The following BEST3 variants were observed in gnomAD, a reference collection of about 807,000 sequenced individuals.
BEST3 encodes the protein bestrophin-3.
In BEST3, 50 loss-of-function variants were observed where a neutral mutation model predicts 47.1. The observed-to-expected ratio is 1.06, with a 90% CI of 0.85 to 1.34. The LOEUF is 1.34. Among genes scored for constraint, BEST3 ranks in the 40% most tolerant of loss-of-function variants. The pLI is 0.00. For missense variants in BEST3, 765 were observed against 817.0 expected (o/e 0.94, Z 0.78); for synonymous variants, 282 against 298.8 (o/e 0.94, Z 0.58).
rs767170511 is a variant in BEST3 at position 69,684,539 on chromosome 12, T to C, written c.482-5646A>G. ...CAAGCAGAGTATTCAAACGAGGCTC[T>C]ATTAGCAGAGGAACTAAAAGCTCTG... On this transcript the variant is annotated intron_variant, in intron 4 of 9. Transcript: ENST00000330891. 4.5e-6 allele frequency: 3 copies of C among 668,208 alleles called. No individual in the cohort carries two copies. In the South Asian group the frequency reaches 4.8e-5, roughly 11 times the overall value. The allele number at this position is 668,208 out of a possible 1,614,324, so 41.4% of individuals were successfully genotyped here.
intron 8 of BEST3, among the ~76,000 whole-genome samples, chr12:69,672,448 G>T (rs1330105160): frequency 1.3e-5 from 2 of 152,228 alleles, no homozygotes; most frequent in Non-Finnish European, 1.5e-5. Flanking sequence ...CATGGCCCAG[G>T]CTCCCAGTGT....
intron 2 of BEST3, among the ~76,000 whole-genome samples, chr12:69,696,298 A>G (rs574083944): frequency 6.6e-6 from 1 of 152,284 alleles, no homozygotes; most frequent in African/African-American, 2.4e-5. Context: ...GGGTATAAGT[A>G]TGATATTGGA....
At chr12:69,647,093 T>C (rs6581899) in intron 9 of BEST3, among the ~76,000 whole-genome samples, 70,086 of 152,038 alleles carry the variant, frequency 0.46, 18,403 homozygotes, top group Middle Eastern at 0.6. Context: ...AGACTGTAGG[T>C]CCAGAGCAGA....
chr12:69,670,406 A>G (rs1218824354), intron 9 of BEST3: 3 of 701,314 alleles, frequency 4.3e-6, no homozygotes, highest in African/African-American at 3.5e-5. Context: ...TGGCTCCTAA[A>G]TCGTTCTCAT....
intron 4 of BEST3, among the ~76,000 whole-genome samples, chr12:69,685,035 T>TATTCTATTCC (rs1555208121): frequency 1.3e-5 from 2 of 151,504 alleles, no homozygotes; most frequent in African/African-American, 4.9e-5. Context: ...TATTCTATTC[T>TATTCTATTCC]ATTGTTCTCC....
In BEST3 at chr12:69,684,540, A is replaced by C. The variant is rs533522361; in HGVS notation, c.482-5647T>G. On this transcript the variant is annotated intron_variant, in intron 4 of 9. Transcript: ENST00000330891. ...AAGCAGAGTATTCAAACGAGGCTCT[A>C]TTAGCAGAGGAACTAAAAGCTCTGC... 24 of 669,158 alleles carry C rather than the reference A, an allele frequency of 3.6e-5. No individual in the cohort carries two copies. The South Asian group carries it at 3.7e-4, about 10-fold the overall frequency. The allele number at this position is 669,158 out of a possible 1,614,324, so 41.5% of individuals were successfully genotyped here.
Position 69,671,411 on chromosome 12 carries a change from T to C in BEST3, c.1100+17A>G, listed in dbSNP as rs1884564334. On this transcript the variant is annotated intron_variant, in intron 9 of 9. Coordinates refer to ENST00000330891, the MANE Select transcript of BEST3 (RefSeq NM_032735.3). ...TCAGGCTGGAAAATATTAGAGATTT[T>C]TTAAAAATGCACTTACCCCATCTGG... The C allele has an allele frequency of 6.3e-7, 1 of 1,595,686 alleles. No individual in the cohort carries two copies. Among genetic ancestry groups the C allele is most frequent in the Non-Finnish European group, 8.5e-7 (1 of 1,170,540 alleles).
In BEST3 at chr12:69,653,904, A is replaced by G. The variant is rs1162873791; in HGVS notation, c.*1003T>C. The G allele has an allele frequency of 9.1e-6, 9 of 985,366 alleles. No individual in the cohort carries two copies. The African/African-American group carries it at 1.6e-4, about 17-fold the overall frequency. 61.0% of individuals were successfully genotyped at this position (985,366 alleles called of 1,614,324 possible). On this transcript the variant is annotated 3_prime_UTR_variant, in exon 10 of 10. Coordinates refer to ENST00000330891, the MANE Select transcript of BEST3 (RefSeq NM_032735.3). ...TTTTGCATAAGAGTTCAAGTTAAACAGATGTGAGTCATCTTATTCTTTGGT... is the reference window on the plus strand; with the variant it reads ...TTTTGCATAAGAGTTCAAGTTAAACGGATGTGAGTCATCTTATTCTTTGGT...
chr12:69,676,094 G>T (rs1344151255), intron 7 of BEST3, among the ~76,000 whole-genome samples: 3 of 152,146 alleles, frequency 2.0e-5, no homozygotes, highest in African/African-American at 7.2e-5. Context: ...AGGAGGTGGT[G>T]GTGAAGGGAG....
intron 7 of BEST3, among the ~76,000 whole-genome samples, chr12:69,673,947 T>C (rs1254669475): frequency 2.0e-5 from 3 of 152,216 alleles, no homozygotes; most frequent in Admixed American, 1.3e-4. Flanking sequence ...ATTCTTATCA[T>C]GTTCCTGAAT....
intron 4 of BEST3, chr12:69,689,363 G>A (rs1885819648): frequency 5.4e-6 from 3 of 560,504 alleles, no homozygotes; most frequent in South Asian, 7.8e-5. Context: ...ACAGGCCTCC[G>A]AAGCGTCTCT....
At chr12:69,686,449 C>T (rs753021765) in intron 4 of BEST3, among the ~76,000 whole-genome samples, 2 of 151,756 alleles carry the variant, frequency 1.3e-5, no homozygotes, top group Non-Finnish European at 2.9e-5. Flanking sequence ...AAAAAACAGC[C>T]TCAAGAAAAC....
intron 4 of BEST3, among the ~76,000 whole-genome samples, chr12:69,686,847 G>A (rs546671040): frequency 2.0e-5 from 3 of 151,708 alleles, no homozygotes; most frequent in African/African-American, 7.2e-5. Context: ...CTGGGAATGG[G>A]CTGACTAGCC....
chr12:69,655,376 G>A lies in BEST3; in HGVS notation c.1538C>T (p.Pro513Leu). The stretch of plus-strand genomic sequence containing the variant: ...ATCATGGTGGTAGCCCCCTGATGTG[G>A]GCACTGGTGCTTCGGCTGCTGTGAT... The part of the protein sequence containing the change: ...VLITAAEAPV[P>L]TSGGYHHDSA... The change falls in exon 10 of 10, where the codon CCC (proline) becomes CTC (leucine). Residue 513 changes from proline to leucine, a missense_variant. Pro to Leu is a moderately conservative substitution (Grantham distance 98, BLOSUM62 -3). Coordinates refer to ENST00000330891, the MANE Select transcript of BEST3 (RefSeq NM_032735.3). 1 of 1,614,132 alleles carries A rather than the reference G, an allele frequency of 6.2e-7. No homozygotes were observed. Among genetic ancestry groups the A allele is most frequent in the South Asian group, 1.1e-5 (1 of 91,080 alleles).
intron 9 of BEST3, chr12:69,643,789 TGGGGAGAA>T (rs1172827904): frequency 2.8e-6 from 2 of 714,418 alleles, no homozygotes; most frequent in Admixed American, 4.0e-5. Flanking sequence ...ATCTGTTTCC[TGGGGAGAA>T]GGGGAGAAGG....
rs764106977 is a variant in BEST3, at chr12:69,655,511, T to A, written c.1403A>T (p.Glu468Val). 1 of 1,614,038 alleles carries A rather than the reference T, an allele frequency of 6.2e-7. No homozygotes were observed. Among genetic ancestry groups the A allele is most frequent in the Non-Finnish European group, 8.5e-7 (1 of 1,179,988 alleles). Residue 468 changes from glutamate to valine, a missense_variant, in exon 10 of 10, where the codon GAG becomes GTG. Coordinates refer to ENST00000330891, the MANE Select transcript of BEST3 (RefSeq NM_032735.3). The part of the protein sequence containing the change: ...GSPTLHFSMG[E>V]LSTIRETSQT... ...GCTGGTCTCCCTGATGGTGGACAGC[T>A]CTCCCATGCTGAAGTGCAGCGTGGG...
chr12:69,692,235 A>C (rs1273626011), intron 4 of BEST3, among the ~76,000 whole-genome samples: 1 of 152,206 alleles, frequency 6.6e-6, no homozygotes, highest in Non-Finnish European at 1.5e-5. Flanking sequence ...AAAATCCGAA[A>C]ATATCTATTT....
exon 10 of BEST3, chr12:69,643,703 A>G (rs1355150084): frequency 8.5e-6 from 6 of 705,126 alleles, no homozygotes; most frequent in South Asian, 7.7e-5. Flanking sequence ...AACCACCAGG[A>G]TCACTCTTAG....
At chr12:69,665,259 G>A (rs1253614341) in intron 9 of BEST3, among the ~76,000 whole-genome samples, 1 of 151,946 alleles carries the variant, frequency 6.6e-6, no homozygotes, top group African/African-American at 2.4e-5. Flanking sequence ...GCTCTACAGC[G>A]AACACCAGAG....
Sources: allele counts gnomAD v4.1 joint callset (sites outside exome capture counted in the v4.1 genomes callset), GRCh38; gene constraint gnomAD v4.1.1; transcripts MANE v1.5; gene names NCBI Gene and HGNC (gene_info 2026-07-23, HGNC 2026-07-21).